TIRAP: variants seen among roughly 807,000 people sequenced by gnomAD.
The protein encoded by TIRAP is toll/interleukin-1 receptor domain-containing adapter protein.
In TIRAP, 20 loss-of-function variants were observed where a neutral mutation model predicts 19.8. The observed-to-expected ratio is 1.01, with a 90% CI of 0.71 to 1.47. The LOEUF (loss-of-function observed/expected upper bound fraction) is 1.47, where lower values mean the gene tolerates loss of function less well. Ranked by LOEUF, TIRAP falls within the 40% of genes most tolerant of loss-of-function variation. TIRAP has a pLI of 0.00. For synonymous variants in TIRAP, 125 were observed against 121.7 expected, an observed-to-expected ratio of 1.03 and a Z score of -0.18; for missense variants, 276 against 285.1, an observed-to-expected ratio of 0.97 and a Z score of 0.23.
In TIRAP at chr11:126,293,774, CAA is replaced by C. The variant is rs773281763; in HGVS notation, c.*88_*89del. ...GGGCCTCGGATTCCCACAAATGTGA[CAA>C]GAGGTATAGGGAGTGAGTCACAGCG... On this transcript the variant is annotated 3_prime_UTR_variant, in exon 5 of 5. Transcript: ENST00000392679. The C allele has an allele frequency of 1.4e-6, 2 of 1,473,136 alleles. No individual in the cohort carries two copies. The highest frequency in any genetic ancestry group is 1.9e-6 in the Non-Finnish European group (2 of 1,051,674). The allele number at this position is 1,473,136 out of a possible 1,614,324, so 91.3% of individuals were successfully genotyped here. A position where few individuals can be genotyped will look rare whatever the true frequency, so the allele number is the denominator to read the frequency against.
At chr11:126,286,435 C>T (rs1951323690) in intron 1 of TIRAP, among the ~76,000 whole-genome samples, 1 of 152,152 alleles carries the variant, frequency 6.6e-6, no homozygotes, top group Admixed American at 6.5e-5. Context: ...AGGTCTGCAC[C>T]ATAGTCTACA....
rs1951337391 is a variant in TIRAP, at chr11:126,287,670, T to C, written c.-216-2792T>C. On this transcript the variant is annotated intron_variant, in intron 1 of 4. Coordinates refer to ENST00000392679, the MANE Select transcript of TIRAP (RefSeq NM_001318777.2). The surrounding 1 kb of genome is among the most constrained non-coding windows in gnomAD (Gnocchi z 4.2). ...CCATAATGTTTCCTTTACATCAGTTTCTGCACATAATATTGGAAAAGCATT... is the reference window on the plus strand; with the variant it reads ...CCATAATGTTTCCTTTACATCAGTTCCTGCACATAATATTGGAAAAGCATT... Among the ~76,000 whole-genome samples the C allele has an allele frequency of 6.6e-6, 1 of 152,132 alleles. No homozygotes were observed. Among genetic ancestry groups the C allele is most frequent in the African/African-American group, 2.4e-5 (1 of 41,432 alleles).
chr11:126,291,706 G>C lies in TIRAP; in HGVS notation c.67+745G>C. On this transcript the variant is annotated intron_variant, in intron 3 of 4. Coordinates refer to ENST00000392679, the MANE Select transcript of TIRAP (RefSeq NM_001318777.2). The surrounding 1 kb of genome is among the most constrained non-coding windows in gnomAD (Gnocchi z 5.6). ...GTACCCCTTCCTTCCTGTATACGTAGCCCTTCCTAATCTAAGTCCACCTCC... is the reference window on the plus strand; with the variant it reads ...GTACCCCTTCCTTCCTGTATACGTACCCCTTCCTAATCTAAGTCCACCTCC... The C allele has an allele frequency of 2.7e-6, 1 of 368,126 alleles. No individual in the cohort carries two copies. The highest frequency in any genetic ancestry group is 2.0e-5 in the South Asian group (1 of 50,788). 22.8% of individuals were successfully genotyped at this position (368,126 alleles called of 1,614,324 possible).
chr11:126,292,711 A>T lies in TIRAP; in HGVS notation c.302A>T (p.Gln101Leu). Residue 101 changes from glutamine (Q) to leucine (L), a missense_variant, in exon 4 of 5, where the codon CAG becomes CTG. By Grantham distance (113) the Gln-to-Leu change is moderately radical (BLOSUM62 -2). Coordinates refer to ENST00000392679, the MANE Select transcript of TIRAP (RefSeq NM_001318777.2). ...CHSEEDLVAA[Q>L]DLVSYLEGST... ...AGTGAGGAAGACCTGGTGGCCGCCC[A>T]GGACCTGGTCTCCTACTTGGAAGGC... is the stretch of plus-strand genomic sequence containing the variant. The T allele has an allele frequency of 6.2e-7, 1 of 1,613,698 alleles. No individual in the cohort carries two copies. The highest frequency in any genetic ancestry group is 1.1e-5 in the South Asian group (1 of 90,986).
intron 4 of TIRAP, 133 bp from the exon 5 acceptor site, chr11:126,293,535 A>G (rs1951434679): frequency 2.8e-6 from 3 of 1,056,318 alleles, no homozygotes; most frequent in Non-Finnish European, 4.5e-6. Context: ...ATATAAGTGT[A>G]TCTGGGGAGG....
In TIRAP at chr11:126,290,933, G is replaced by T. The variant is rs1350186828; in HGVS notation, c.39G>T (p.Arg13=). Residue 13 remains arginine, a synonymous_variant, in exon 3 of 5, where the codon CGG becomes CGT. Coordinates refer to ENST00000392679, the MANE Select transcript of TIRAP (RefSeq NM_001318777.2). This position sits in a 1 kb window ranked among gnomAD's most constrained non-coding sequence, Gnocchi z 4.9. ...CCTCCCTCCCAGCTCCTGGCTCTCG[G>T]CCTAAGAAGCCTCTAGGCAAGATGG... is the stretch of plus-strand genomic sequence containing the variant. ...SSTSLPAPGS[R]PKKPLGKMAD... 1 of 1,606,528 alleles carries T rather than the reference G, an allele frequency of 6.2e-7. No homozygotes were observed. Among genetic ancestry groups the T allele is most frequent in the Non-Finnish European group, 8.5e-7 (1 of 1,176,124 alleles).
chr11:126,289,309 G>A (rs572886105), intron 1 of TIRAP, among the ~76,000 whole-genome samples: 7 of 152,148 alleles, frequency 4.6e-5, no homozygotes, highest in Non-Finnish European at 7.4e-5. Context: ...ATGGAGTTTC[G>A]CTCTTGTTGC....
In TIRAP at chr11:126,291,622, C is replaced by G. The variant is rs1951389435; in HGVS notation, c.67+661C>G. ...CTCCTCAGCAACTCTGAGCAGTAGCCTCTTCCCCATTTAGCGACAATCTAG... is the reference window on the plus strand; with the variant it reads ...CTCCTCAGCAACTCTGAGCAGTAGCGTCTTCCCCATTTAGCGACAATCTAG... On this transcript the variant is annotated intron_variant, in intron 3 of 4. Coordinates refer to ENST00000392679, the MANE Select transcript of TIRAP (RefSeq NM_001318777.2). This position sits in a 1 kb window ranked among gnomAD's most constrained non-coding sequence, Gnocchi z 5.6. 6.9e-6 allele frequency: 3 copies of G among 432,478 alleles called. No homozygotes were observed. Among genetic ancestry groups the G allele is most frequent in the Non-Finnish European group, 1.4e-5 (3 of 214,158 alleles). 26.8% of individuals were successfully genotyped at this position (432,478 alleles called of 1,614,324 possible). A position where few individuals can be genotyped will look rare whatever the true frequency, so the allele number is the denominator to read the frequency against.
In TIRAP at chr11:126,290,266, T is replaced by C. The variant is rs1951364304; in HGVS notation, c.-216-196T>C. 6.6e-6 allele frequency among the ~76,000 whole-genome samples: 1 copy of C among 152,154 alleles called. No homozygotes were observed. Among genetic ancestry groups the C allele is most frequent in the Admixed American group, 6.5e-5 (1 of 15,270 alleles). ...CCTGCAGTCTGCAGTCTGTACCACT[T>C]TTTGACATGACCTTCCTGAGCTGAC... On this transcript the variant is annotated intron_variant, in intron 1 of 4. Coordinates refer to ENST00000392679, the MANE Select transcript of TIRAP (RefSeq NM_001318777.2). The surrounding 1 kb of genome is among the most constrained non-coding windows in gnomAD (Gnocchi z 4.9).
intron 1 of TIRAP, among the ~76,000 whole-genome samples, chr11:126,283,563 C>T (rs1333233319): frequency 6.6e-6 from 1 of 152,214 alleles, no homozygotes; most frequent in Non-Finnish European, 1.5e-5. Context: ...TCAGCAAGTG[C>T]ATAACATTAG....
chr11:126,292,341 A>T, intron 3 of TIRAP, 136 bp from the exon 4 acceptor site: 3 of 797,144 alleles, frequency 3.8e-6, no homozygotes, highest in Non-Finnish European at 5.8e-6. Context: ...CAGGTCTCTG[A>T]GAATAAGATG....
At chr11:126,284,417 G>A (rs148671043) in intron 1 of TIRAP, among the ~76,000 whole-genome samples, 1 of 152,120 alleles carries the variant, frequency 6.6e-6, no homozygotes, top group South Asian at 2.1e-4. Context: ...GTTTATTCTT[G>A]TTGGTATATA....
chr11:126,289,820 G>A (rs1275448053), intron 1 of TIRAP: 1 of 985,356 alleles, frequency 1.0e-6, no homozygotes, highest in Non-Finnish European at 1.2e-6. Flanking sequence ...TCACTACGGT[G>A]GGAAAAGAAC....
intron 1 of TIRAP, chr11:126,289,765 G>C: frequency 1.0e-6 from 1 of 985,440 alleles, no homozygotes; most frequent in South Asian, 4.7e-5. Context: ...CTGCTCCACA[G>C]AAACTTAAGG....
rs1057044004 is a variant in TIRAP at position 126,294,931 on chromosome 11, A to T, written c.*1244A>T. On this transcript the variant is annotated 3_prime_UTR_variant, in exon 5 of 5. Transcript: ENST00000392679. ...GCCAATATGGTGAAACCCTGTCTCT[A>T]CTAAAAAAACAAAAAAAATCAGCTG... 1.2e-5 allele frequency: 2 copies of T among 163,728 alleles called. No individual in the cohort carries two copies. The highest frequency in any genetic ancestry group is 3.5e-4 in the East Asian group (2 of 5,660). The allele number at this position is 163,728 out of a possible 1,614,324, so 10.1% of individuals were successfully genotyped here. A position where few individuals can be genotyped will look rare whatever the true frequency, so the allele number is the denominator to read the frequency against.
In TIRAP at chr11:126,290,761, G is replaced by C. The variant is rs1041515261; in HGVS notation, c.-92-42G>C. The C allele has an allele frequency of 6.8e-7, 1 of 1,462,920 alleles. No homozygotes were observed. The highest frequency in any genetic ancestry group is 2.7e-5 in the East Asian group (1 of 37,364). The allele number at this position is 1,462,920 out of a possible 1,614,324, so 90.6% of individuals were successfully genotyped here. A position where few individuals can be genotyped will look rare whatever the true frequency, so the allele number is the denominator to read the frequency against. On this transcript the variant is annotated intron_variant, in intron 2 of 4. Transcript: ENST00000392679. This position sits in a 1 kb window ranked among gnomAD's most constrained non-coding sequence, Gnocchi z 4.9. The stretch of plus-strand genomic sequence containing the variant: ...CTCATCCATGGGGAATGAGAGCAGG[G>C]TAAGTGCAGCCTTTGTGATTCTCTC...
In TIRAP at chr11:126,290,915, C is replaced by T. The variant is rs759310955; in HGVS notation, c.21C>T (p.Leu7=). 83 of 1,607,526 alleles carry T rather than the reference C, an allele frequency of 5.2e-5. 1 individual carries two copies. In the South Asian group the frequency reaches 8.6e-4, roughly 17 times the overall value. MASSTS[L]PAPGSRPKKP... is the part of the protein sequence containing the mutation. ...ACGCTATGGCATCATCGACCTCCCT[C>T]CCAGCTCCTGGCTCTCGGCCTAAGA... The change falls in exon 3 of 5, where the codon CTC becomes CTT. Residue 7 remains leucine (L), a synonymous_variant. Coordinates refer to ENST00000392679, the MANE Select transcript of TIRAP (RefSeq NM_001318777.2). The surrounding 1 kb of genome is among the most constrained non-coding windows in gnomAD (Gnocchi z 4.9).
In TIRAP at chr11:126,291,529, C is replaced by A. The variant is rs1258845633; in HGVS notation, c.67+568C>A. On this transcript the variant is annotated intron_variant, in intron 3 of 4. Coordinates refer to ENST00000392679, the MANE Select transcript of TIRAP (RefSeq NM_001318777.2). The surrounding 1 kb of genome is among the most constrained non-coding windows in gnomAD (Gnocchi z 5.6). ...TTAACTTTCAGCAACTAAGACAGGT[C>A]CACAAGTCCACAGTCAAAGCCGTGT... is the stretch of plus-strand genomic sequence containing the variant. The A allele has an allele frequency of 2.8e-6, 2 of 718,040 alleles. No homozygotes were observed. The highest frequency in any genetic ancestry group is 6.4e-5 in the East Asian group (1 of 15,594). 44.5% of individuals were successfully genotyped at this position (718,040 alleles called of 1,614,324 possible).
intron 4 of TIRAP, chr11:126,293,271 C>G: frequency 1.2e-6 from 1 of 830,546 alleles, no homozygotes; most frequent in Non-Finnish European, 2.0e-6. Flanking sequence ...CCTCACTGAC[C>G]AACAGGTTTC....
Sources: allele counts gnomAD v4.1 joint callset (sites outside exome capture counted in the v4.1 genomes callset), GRCh38; gene constraint gnomAD v4.1.1; non-coding constraint Gnocchi (gnomAD v3.1); transcripts MANE v1.5; gene names NCBI Gene and HGNC (gene_info 2026-07-23, HGNC 2026-07-21).